RUFY1: variants seen among roughly 807,000 people sequenced by gnomAD.
The protein encoded by RUFY1 is RUN and FYVE domain containing 1.
In RUFY1, 54 loss-of-function variants were observed where a neutral mutation model predicts 94.6. That is an observed-to-expected ratio of 0.57 (90% CI 0.46 to 0.72). The LOEUF is 0.72. Among genes scored for constraint, RUFY1 ranks in the 30% least tolerant of loss-of-function variants. RUFY1 has a pLI of 0.00. For synonymous variants in RUFY1, 396 were observed against 347.3 expected (o/e 1.14, Z -1.56); for missense variants, 883 against 883.9 (o/e 1.00, Z 0.01).
At chr5:179,558,558 G>T (rs1762224108) in intron 1 of RUFY1, among the ~76,000 whole-genome samples, 1 of 145,674 alleles carries the variant, frequency 6.9e-6, no homozygotes, top group African/African-American at 2.5e-5. Flanking sequence ...GGCAACAAGA[G>T]TGAAACAACA....
intron 1 of RUFY1, 160 bp from the exon 2 acceptor site, chr5:179,559,865 G>C: frequency 7.0e-7 from 1 of 1,418,880 alleles, no homozygotes; most frequent in South Asian, 1.5e-5. Flanking sequence ...AGGGATCAGG[G>C]ACTACTTACC....
At chr5:179,608,110 C>T (rs1325938758) in intron 17 of RUFY1, among the ~76,000 whole-genome samples, 1 of 152,168 alleles carries the variant, frequency 6.6e-6, no homozygotes, top group Non-Finnish European at 1.5e-5. Context: ...GTTCTGGAAA[C>T]AAGGTCCTAG....
intron 8 of RUFY1, among the ~76,000 whole-genome samples, chr5:179,588,816 C>T (rs1044150276): frequency 2.0e-5 from 3 of 152,160 alleles, no homozygotes; most frequent in East Asian, 3.8e-4. Flanking sequence ...CTGCAACCTC[C>T]GCCTCCTGGG....
At chr5:179,606,072 A>C in intron 16 of RUFY1, 148 bp downstream of exon 16, 1 of 630,456 alleles carries the variant, frequency 1.6e-6, no homozygotes, top group Non-Finnish European at 2.8e-6. Flanking sequence ...AACGCTGCTC[A>C]GAAACGTGTC....
intron 5 of RUFY1, among the ~76,000 whole-genome samples, chr5:179,573,684 G>A (rs1410311882): frequency 2.0e-5 from 3 of 151,950 alleles, no homozygotes; most frequent in Admixed American, 6.6e-5. Flanking sequence ...CACCATGCCC[G>A]GCTAATTTTT....
chr5:179,580,206 C>CGTGTGTGTGTGTGT (rs71591429), intron 6 of RUFY1, among the ~76,000 whole-genome samples: 148 of 127,574 alleles, frequency 1.2e-3, no homozygotes, highest in Non-Finnish European at 1.6e-3. Context: ...CAAAAAATTC[C>CGTGTGTGTGTGTGT]GTGTGTGTGT....
chr5:179,593,436 G>A, intron 10 of RUFY1, 42 bp from the exon 11 acceptor site: 1 of 1,569,720 alleles, frequency 6.4e-7, no homozygotes, highest in South Asian at 1.1e-5. Flanking sequence ...ACATTTCTGT[G>A]ATCTATTTTA....
intron 13 of RUFY1, among the ~76,000 whole-genome samples, chr5:179,597,389 C>G (rs890483867): frequency 6.6e-6 from 1 of 152,160 alleles, no homozygotes; most frequent in Non-Finnish European, 1.5e-5. Context: ...GCATCAGCCA[C>G]CACACCTGGC....
chr5:179,591,624 G>T lies in RUFY1; in HGVS notation c.1129-1G>T. On this transcript the variant is annotated splice_acceptor_variant, in intron 9 of 17. Coordinates refer to ENST00000319449, the MANE Select transcript of RUFY1 (RefSeq NM_025158.5). LOFTEE classifies it high-confidence loss of function. ...CCTCTTGGTGTCCTTGTTTGATACA[G>T]ATAACAAAACAGGATACCAAAGTTG... 6.3e-7 allele frequency: 1 copy of T among 1,596,918 alleles called. No homozygotes were observed. Among genetic ancestry groups the T allele is most frequent in the Non-Finnish European group, 8.6e-7 (1 of 1,167,196 alleles).
At chr5:179,591,828 C>A (rs1765135585) in intron 10 of RUFY1, 87 bp downstream of exon 10, 1 of 795,438 alleles carries the variant, frequency 1.3e-6, no homozygotes, top group Non-Finnish European at 2.0e-6. Context: ...GCTTCACCAT[C>A]CTGATGGTCA....
intron 3 of RUFY1, among the ~76,000 whole-genome samples, chr5:179,564,765 C>T (rs1762707299): frequency 6.8e-6 from 1 of 146,668 alleles, no homozygotes; most frequent in African/African-American, 2.5e-5. Context: ...ATGAAAATGA[C>T]ACATGTACAG....
intron 8 of RUFY1, among the ~76,000 whole-genome samples, chr5:179,588,059 A>G (rs1436709458): frequency 6.6e-6 from 1 of 152,140 alleles, no homozygotes; most frequent in African/African-American, 2.4e-5. Context: ...TGCTCTCTGC[A>G]TCTCCAGAGA....
At position 179,552,164 on chromosome 5, in the gene RUFY1, CAAAAAA is replaced by C. The variant is rs563730431; in HGVS notation, c.310+1303_310+1308del. 5.4e-3 allele frequency among the ~76,000 whole-genome samples: 397 copies of C among 73,454 alleles called. 4 individuals carry two copies. Among genetic ancestry groups the C allele is most frequent in the Middle Eastern group, 9.8e-3 (1 of 102 alleles). 48.2% of individuals were successfully genotyped at this position (73,454 alleles called of 152,430 possible). A position where few individuals can be genotyped will look rare whatever the true frequency, so the allele number is the denominator to read the frequency against. On this transcript the variant is annotated intron_variant, in intron 1 of 17. Coordinates refer to ENST00000319449, the MANE Select transcript of RUFY1 (RefSeq NM_025158.5). ...TGGGTGACAGAGCGAGACTCTGTCT[CAAAAAA>C]AAAAAAAAAAAAAAAAACTTGTTCC...
In RUFY1 at chr5:179,567,441, A is replaced by T. The variant is rs1213921701; in HGVS notation, c.603-20A>T. 6.3e-7 allele frequency: 1 copy of T among 1,585,482 alleles called. No individual in the cohort carries two copies. The highest frequency in any genetic ancestry group is 1.7e-5 in the Admixed American group (1 of 59,882). On this transcript the variant is annotated intron_variant, in intron 3 of 17. Transcript: ENST00000319449. Reference sequence around the variant, plus strand: ...TGTTGTTGTTATGCCACAATAGTTGATTCTCTGTTTGAATTCTAGGACAGC... The same window carrying T: ...TGTTGTTGTTATGCCACAATAGTTGTTTCTCTGTTTGAATTCTAGGACAGC...
chr5:179,597,052 T>G, intron 13 of RUFY1: 8 of 195,496 alleles, frequency 4.1e-5, no homozygotes, highest in Non-Finnish European at 7.3e-5. Context: ...TTGTGCACAG[T>G]TCATCTACAG....
intron 5 of RUFY1, among the ~76,000 whole-genome samples, chr5:179,576,604 A>G (rs966077569): frequency 6.6e-6 from 1 of 151,830 alleles, no homozygotes; most frequent in African/African-American, 2.4e-5. Context: ...TGTTTTTAGT[A>G]GAGACAGGGT....
chr5:179,554,966 C>CAA lies in RUFY1; in HGVS notation c.310+4098_310+4099dup, dbSNP rs112803081. On this transcript the variant is annotated intron_variant, in intron 1 of 17. Coordinates refer to ENST00000319449, the MANE Select transcript of RUFY1 (RefSeq NM_025158.5). The stretch of plus-strand genomic sequence containing the variant: ...CTGGGTGACGAGCAAAATTCTGTCT[C>CAA]AAAAAAAAAAAAGGACAAATACTAA... Among the ~76,000 whole-genome samples, 755 of 140,852 alleles carry CAA rather than the reference C, an allele frequency of 5.4e-3. 9 individuals carry two copies. Among genetic ancestry groups the CAA allele is most frequent in the African/African-American group, 0.019 (725 of 38,410 alleles). 92.4% of individuals were successfully genotyped at this position (140,852 alleles called of 152,430 possible).
chr5:179,609,192 G>C (rs1036748738), intron 17 of RUFY1, among the ~76,000 whole-genome samples, 184 bp from the exon 18 acceptor site: 8 of 116,708 alleles, frequency 6.9e-5, no homozygotes, highest in African/African-American at 2.6e-4. Context: ...GGGCGACTGA[G>C]CAAGACTCTA....
chr5:179,604,983 C>CAAA (rs199950744), intron 15 of RUFY1, among the ~76,000 whole-genome samples: 5 of 123,356 alleles, frequency 4.1e-5, no homozygotes, highest in African/African-American at 1.5e-4. Context: ...GACTCCATCT[C>CAAA]AAAAAAAAAA....
Sources: allele counts gnomAD v4.1 joint callset (sites outside exome capture counted in the v4.1 genomes callset), GRCh38; gene constraint gnomAD v4.1.1; transcripts MANE v1.5; gene names NCBI Gene and HGNC (gene_info 2026-07-23, HGNC 2026-07-21).